NAALADL2: variants seen among roughly 807,000 people sequenced by gnomAD.
The protein encoded by NAALADL2 is inactive N-acetylated-alpha-linked acidic dipeptidase-like protein 2.
A neutral mutation model predicts 87.2 loss-of-function variants in NAALADL2; 76 were observed. That is an observed-to-expected ratio of 0.87 (90% CI 0.72 to 1.05). The LOEUF (loss-of-function observed/expected upper bound fraction) is 1.05, where lower values mean the gene tolerates loss of function less well. Ranked by LOEUF, NAALADL2 falls within the 50% of genes least tolerant of loss-of-function variation. The probability of loss-of-function intolerance (pLI) is 0.00; values close to 1 mark genes in which losing one functional copy is unlikely to be tolerated. For missense variants in NAALADL2, 1,089 were observed against 945.8 expected, an observed-to-expected ratio of 1.15 and a Z score of -1.99; for synonymous variants, 354 against 331.0, an observed-to-expected ratio of 1.07 and a Z score of -0.75.
intron 9 of NAALADL2, among the ~76,000 whole-genome samples, chr3:175,495,093 T>TATATATATATA (rs1491546516): frequency 8.6e-6 from 1 of 116,680 alleles, no homozygotes; most frequent in African/African-American, 3.1e-5. Flanking sequence ...TATATATATA[T>TATATATATATA]TTTTTTTTAA....
intron 10 of NAALADL2, among the ~76,000 whole-genome samples, chr3:175,587,203 G>A (rs1720662935): frequency 6.6e-6 from 1 of 151,962 alleles, no homozygotes; most frequent in African/African-American, 2.4e-5. Context: ...TAAATGCTTA[G>A]ACAGATTCAT....
chr3:175,260,375 A>T (rs1750817330), intron 4 of NAALADL2, among the ~76,000 whole-genome samples: 1 of 152,104 alleles, frequency 6.6e-6, no homozygotes, highest in Non-Finnish European at 1.5e-5. Context: ...TGTAATTTCC[A>T]TTCTAGTCAT....
chr3:175,042,487 A>C (rs1403914977), intron 1 of NAALADL2, among the ~76,000 whole-genome samples: 3 of 152,142 alleles, frequency 2.0e-5, no homozygotes, highest in African/African-American at 4.8e-5. Flanking sequence ...GGATCACATG[A>C]CACTTCTGTT....
chr3:175,098,702 G>T lies in NAALADL2; in HGVS notation c.545+1411G>T, dbSNP rs568535137. Reference sequence around the variant, plus strand: ...TGCAATATAGGCTGGAGCAGAAAAAGGGAAAGTTGCAGATAAATCTAACTG... The same window carrying T: ...TGCAATATAGGCTGGAGCAGAAAAATGGAAAGTTGCAGATAAATCTAACTG... On this transcript the variant is annotated intron_variant, in intron 2 of 13. Coordinates refer to ENST00000454872, the MANE Select transcript of NAALADL2 (RefSeq NM_207015.3). 3.9e-5 allele frequency among the ~76,000 whole-genome samples: 6 copies of T among 152,240 alleles called. No homozygotes were observed. The South Asian group carries it at 1.2e-3, about 32-fold the overall frequency.
intron 2 of NAALADL2, among the ~76,000 whole-genome samples, chr3:174,570,936 A>G (rs1295423809): frequency 6.6e-6 from 1 of 152,178 alleles, no homozygotes; most frequent in Non-Finnish European, 1.5e-5. Flanking sequence ...TATTTAATCA[A>G]TGCTTACTTA....
At chr3:175,103,542 C>G (rs189962906) in intron 2 of NAALADL2, among the ~76,000 whole-genome samples, 1 of 152,222 alleles carries the variant, frequency 6.6e-6, no homozygotes, top group Non-Finnish European at 1.5e-5. Context: ...AATCATAGCA[C>G]TCTTTATCAT....
At chr3:174,557,533 A>G (rs1410903166) in intron 2 of NAALADL2, among the ~76,000 whole-genome samples, 1 of 151,804 alleles carries the variant, frequency 6.6e-6, no homozygotes, top group Non-Finnish European at 1.5e-5. Context: ...AATATAATAG[A>G]CTCCTTTAAG....
intron 1 of NAALADL2, among the ~76,000 whole-genome samples, chr3:175,057,512 C>T (rs1712470457): frequency 6.6e-6 from 1 of 152,222 alleles, no homozygotes; most frequent in South Asian, 2.1e-4. Context: ...CAACTTCCTT[C>T]ACTACTCTTA....
intron 1 of NAALADL2, among the ~76,000 whole-genome samples, chr3:174,533,627 GA>G (rs10712725): frequency 0.75 from 108,018 of 143,868 alleles, 40,514 homozygotes; most frequent in South Asian, 0.84. Context: ...AAATTAGTTG[GA>G]AAAAAAAAAA....
intron 10 of NAALADL2, chr3:175,581,123 T>G (rs1332998883): frequency 2.5e-6 from 1 of 393,468 alleles, no homozygotes; most frequent in Non-Finnish European, 5.2e-6. Context: ...TGATGTTATC[T>G]TACAGTTTCA....
chr3:174,561,136 T>C, intron 2 of NAALADL2, among the ~76,000 whole-genome samples: 1 of 151,110 alleles, frequency 6.6e-6, no homozygotes, highest in East Asian at 1.9e-4. Context: ...GATCAGTGGA[T>C]GGAAAATTAC....
At chr3:174,926,271 T>G (rs1318371874) in intron 1 of NAALADL2, among the ~76,000 whole-genome samples, 1 of 152,166 alleles carries the variant, frequency 6.6e-6, no homozygotes, top group Admixed American at 6.5e-5. Flanking sequence ...GGAACCAAGT[T>G]GGAAAACACT....
At chr3:174,601,906 C>T (rs1442924420) in intron 2 of NAALADL2, among the ~76,000 whole-genome samples, 1 of 152,040 alleles carries the variant, frequency 6.6e-6, no homozygotes, top group Non-Finnish European at 1.5e-5. Flanking sequence ...AGATAATGTC[C>T]TTTTCCCAGT....
At chr3:175,712,282 A>T (rs762927064) in intron 11 of NAALADL2, among the ~76,000 whole-genome samples, 3 of 152,050 alleles carry the variant, frequency 2.0e-5, no homozygotes, top group Non-Finnish European at 4.4e-5. Context: ...AGTTACATTT[A>T]TATCATCCGT....
chr3:175,338,136 C>T (rs979655359), intron 5 of NAALADL2, among the ~76,000 whole-genome samples: 1 of 151,924 alleles, frequency 6.6e-6, no homozygotes, highest in African/African-American at 2.4e-5. Context: ...TTTAGGAAGT[C>T]GTGGGAATCT....
intron 1 of NAALADL2, among the ~76,000 whole-genome samples, chr3:174,984,194 G>T (rs9815045): frequency 0.089 from 13,511 of 152,120 alleles, 1,391 homozygotes; most frequent in African/African-American, 0.24. Context: ...AACATAAAAG[G>T]TTGGTCTAAA....
chr3:174,979,005 G>T (rs183383258), intron 1 of NAALADL2, among the ~76,000 whole-genome samples: 29 of 152,186 alleles, frequency 1.9e-4, no homozygotes, highest in Non-Finnish European at 1.0e-4. Context: ...TTATTTTTGG[G>T]TGAAAGGAGC....
chr3:175,698,700 G>A (rs1449198081), intron 11 of NAALADL2, among the ~76,000 whole-genome samples: 1 of 151,362 alleles, frequency 6.6e-6, no homozygotes, highest in Non-Finnish European at 1.5e-5. Context: ...TGTGCCACAA[G>A]TTACAGTTAT....
intron 2 of NAALADL2, among the ~76,000 whole-genome samples, chr3:174,566,584 G>A (rs755649814): frequency 4.0e-5 from 6 of 150,962 alleles, no homozygotes; most frequent in Non-Finnish European, 5.9e-5. Flanking sequence ...TCCACTTCTC[G>A]TTCTCTGTTT....
Sources: gnomAD v4.1 joint callset for allele counts (sites outside exome capture counted in the v4.1 genomes callset) on GRCh38, gnomAD v4.1.1 for gene constraint, MANE v1.5 for transcripts, NCBI Gene and HGNC (gene_info 2026-07-23, HGNC 2026-07-21) for gene names.